Variants in COG2 observed in about 807,000 individuals in gnomAD.
The protein encoded by COG2 is component of oligomeric golgi complex 2.
A neutral mutation model predicts 90.6 loss-of-function variants in COG2; 52 were observed. The ratio of observed to expected loss-of-function variants is 0.57; its 90% CI spans 0.46 to 0.72. COG2 has a LOEUF of 0.72. Ranked by LOEUF, COG2 falls within the 30% of genes least tolerant of loss-of-function variation. The probability of loss-of-function intolerance (pLI) is 0.00; values close to 1 mark genes in which losing one functional copy is unlikely to be tolerated. For synonymous variants in COG2, 337 were observed against 320.4 expected (o/e 1.05, Z -0.55); for missense variants, 829 against 891.2 (o/e 0.93, Z 0.89).
At position 230,686,956 on chromosome 1, in the gene COG2, A is replaced by G; in HGVS notation, c.1402A>G (p.Asn468Asp). 1 of 1,556,468 alleles carries G rather than the reference A, an allele frequency of 6.4e-7. No homozygotes were observed. The highest frequency in any genetic ancestry group is 8.7e-7 in the Non-Finnish European group (1 of 1,147,574). Residue 468 changes from asparagine (N) to aspartate (D), a missense_variant, in exon 13 of 18, where the codon AAT becomes GAT. Transcript: ENST00000366669. Reference sequence around the variant, plus strand: ...TCAGCTTTCACTCAGGCCCATTTCTAATGAAAGTCCCAAGGAGATCAAGAA... The same window carrying G: ...TCAGCTTTCACTCAGGCCCATTTCTGATGAAAGTCCCAAGGAGATCAAGAA... The part of the protein sequence containing the change: ...VNELSLRPIS[N>D]ESPKEIKKPL...
Position 230,664,570 on chromosome 1 carries a change from T to C in COG2, c.468T>C (p.Ser156=), listed in dbSNP as rs957677667. 10 of 1,544,162 alleles carry C rather than the reference T, an allele frequency of 6.5e-6. No individual in the cohort carries two copies. The highest frequency in any genetic ancestry group is 7.0e-6 in the Non-Finnish European group (8 of 1,135,742). The part of the protein sequence containing the change: ...ILNSQSSKET[S]ALEASSPLLT... The stretch of plus-strand genomic sequence containing the variant: ...ACTCTCAAAGTTCTAAAGAAACCTC[T>C]GCACTAGAAGCAAGCAGGTAAGTAT... The change falls in exon 5 of 18, where the codon TCT becomes TCC. Residue 156 remains serine (S), a synonymous_variant. Coordinates refer to ENST00000366669, the MANE Select transcript of COG2 (RefSeq NM_007357.3).
chr1:230,662,553 T>A (rs1483044541), intron 3 of COG2, among the ~76,000 whole-genome samples: 1 of 152,236 alleles, frequency 6.6e-6, no homozygotes, highest in Non-Finnish European at 1.5e-5. Context: ...TCTTGACTTC[T>A]TGATTCTGAA....
intron 16 of COG2, 167 bp downstream of exon 16, chr1:230,690,320 C>A: frequency 1.7e-6 from 1 of 597,648 alleles, no homozygotes; most frequent in Non-Finnish European, 2.8e-6. Flanking sequence ...TCCCTCCCCA[C>A]ACCCTTGTGG....
chr1:230,669,586 AC>A (rs753634531), intron 7 of COG2, 51 bp downstream of exon 7: 2 of 1,505,456 alleles, frequency 1.3e-6, no homozygotes, highest in Non-Finnish European at 1.8e-6. Context: ...TCTGTCTTTG[AC>A]TCTTTACTGG....
chr1:230,656,754 G>T (rs1262942484), intron 1 of COG2, among the ~76,000 whole-genome samples: 1 of 152,068 alleles, frequency 6.6e-6, no homozygotes, highest in Non-Finnish European at 1.5e-5. Context: ...TATGGATCTG[G>T]GTGCTCCTGT....
At chr1:230,669,257 A>G in intron 6 of COG2, 99 bp from the exon 7 acceptor site, 2 of 1,050,372 alleles carry the variant, frequency 1.9e-6, no homozygotes, top group Non-Finnish European at 1.4e-6. Flanking sequence ...TATATATGTC[A>G]TTATCTGTTG....
chr1:230,675,746 G>A (rs763457473), intron 9 of COG2, among the ~76,000 whole-genome samples: 11 of 152,208 alleles, frequency 7.2e-5, no homozygotes, highest in South Asian at 2.1e-4. Flanking sequence ...GGACTCAAGC[G>A]ATCCTATGCC....
chr1:230,642,760 C>G, intron 1 of COG2, 82 bp downstream of exon 1: 3 of 1,324,986 alleles, frequency 2.3e-6, no homozygotes, highest in South Asian at 1.3e-5. Flanking sequence ...CTTCGGTCGG[C>G]TGCTCCTGCC....
rs541254896 is a variant in COG2 at position 230,644,859 on chromosome 1, G to T, written c.72+2181G>T. Among the ~76,000 whole-genome samples, 30 of 152,254 alleles carry T rather than the reference G, an allele frequency of 2.0e-4. No homozygotes were observed. The South Asian group carries it at 5.6e-3, about 28-fold the overall frequency. On this transcript the variant is annotated intron_variant, in intron 1 of 17. Coordinates refer to ENST00000366669, the MANE Select transcript of COG2 (RefSeq NM_007357.3). ...AGTTGGAACTGACTGGTGGCGGGAG[G>T]CTACTTAAAAAGTTATTTCAGTGGT...
At chr1:230,668,531 C>A in intron 5 of COG2, 145 bp from the exon 6 acceptor site, 1 of 559,528 alleles carries the variant, frequency 1.8e-6, no homozygotes, top group African/African-American at 1.9e-5. Context: ...TAGCTTTCAC[C>A]TTGTAACAAG....
At chr1:230,678,641 A>G (rs1425271656) in intron 9 of COG2, 2 of 1,378,274 alleles carry the variant, frequency 1.5e-6, no homozygotes, top group African/African-American at 2.9e-5. Context: ...GAACATGAGC[A>G]CTGCCATTTA....
chr1:230,678,513 TTC>T (rs1292811703), intron 9 of COG2: 9 of 985,262 alleles, frequency 9.1e-6, no homozygotes, highest in Non-Finnish European at 1.1e-5. Context: ...ATTCTTTCTC[TTC>T]TCTCTCTTTC....
In COG2 at chr1:230,668,731, C is replaced by G; in HGVS notation, c.541C>G (p.Gln181Glu). 1 of 1,612,986 alleles carries G rather than the reference C, an allele frequency of 6.2e-7. No individual in the cohort carries two copies. The highest frequency in any genetic ancestry group is 1.1e-5 in the South Asian group (1 of 90,760). Reference protein sequence around the residue: ...ERIATEFNQLQFHAVQSKGMP... With the variant: ...ERIATEFNQLEFHAVQSKGMP... ...AATTGCCACAGAATTTAATCAGTTACAGTTTCATGCTGTTCAAAGCAAAGG... is the reference window on the plus strand; with the variant it reads ...AATTGCCACAGAATTTAATCAGTTAGAGTTTCATGCTGTTCAAAGCAAAGG... The change falls in exon 6 of 18, where the codon CAG (glutamine) becomes GAG (glutamate). Residue 181 changes from glutamine to glutamate, a missense_variant. Physicochemically the swap from Gln to Glu is conservative, Grantham distance 29. Coordinates refer to ENST00000366669, the MANE Select transcript of COG2 (RefSeq NM_007357.3).
chr1:230,662,616 C>G (rs1046375487), intron 3 of COG2, among the ~76,000 whole-genome samples: 2 of 151,990 alleles, frequency 1.3e-5, no homozygotes, highest in African/African-American at 4.8e-5. Context: ...TGTGTAGAAT[C>G]TGGTCTAAAG....
In COG2 at chr1:230,693,439, T is replaced by G; in HGVS notation, c.*46T>G. On this transcript the variant is annotated 3_prime_UTR_variant, in exon 18 of 18. Coordinates refer to ENST00000366669, the MANE Select transcript of COG2 (RefSeq NM_007357.3). ...GTTAGATTCTTAAGCAAGAGAAGAG[T>G]TGGACTTCCAGGCTGAAGGGGAGAA... 1 of 1,263,786 alleles carries G rather than the reference T, an allele frequency of 7.9e-7. No individual in the cohort carries two copies. Among genetic ancestry groups the G allele is most frequent in the Non-Finnish European group, 1.1e-6 (1 of 876,606 alleles). 78.3% of individuals were successfully genotyped at this position (1,263,786 alleles called of 1,614,324 possible).
chr1:230,672,078 A>G lies in COG2; in HGVS notation c.899+438A>G, dbSNP rs529867207. Among the ~76,000 whole-genome samples the G allele has an allele frequency of 5.1e-4, 77 of 152,172 alleles. 1 individual carries two copies. Among genetic ancestry groups the G allele is most frequent in the South Asian group, 4.8e-3 (23 of 4,818 alleles). On this transcript the variant is annotated intron_variant, in intron 8 of 17. Transcript: ENST00000366669. ...TTCCATGACTTCCTGATTCTCTTTCATAAATATCCCATTACTTTTCACCAT... is the reference window on the plus strand; with the variant it reads ...TTCCATGACTTCCTGATTCTCTTTCGTAAATATCCCATTACTTTTCACCAT...
intron 1 of COG2, among the ~76,000 whole-genome samples, chr1:230,657,803 A>C (rs1662098946): frequency 6.6e-6 from 1 of 151,224 alleles, no homozygotes; most frequent in African/African-American, 2.4e-5. Flanking sequence ...TTCTCACTTC[A>C]TTTCATTAAG....
At chr1:230,690,258 C>CT in intron 16 of COG2, 105 bp downstream of exon 16, 15 of 956,858 alleles carry the variant, frequency 1.6e-5, no homozygotes, top group Non-Finnish European at 2.2e-5. Flanking sequence ...GTGAGACTGC[C>CT]TAGCACTTCT....
rs1433828287 is a variant in COG2, at chr1:230,693,603, TG to T, written c.*212del. 1 of 409,710 alleles carries T rather than the reference TG, an allele frequency of 2.4e-6. No individual in the cohort carries two copies. Among genetic ancestry groups the T allele is most frequent in the Non-Finnish European group, 4.3e-6 (1 of 230,414 alleles). 25.4% of individuals were successfully genotyped at this position (409,710 alleles called of 1,614,324 possible). Reference sequence around the variant, plus strand: ...AACACAAAAGCCTTTTTCCATTGTATGGAAGATAGTTTTTAAGACATTTGAA... The same window carrying T: ...AACACAAAAGCCTTTTTCCATTGTATGAAGATAGTTTTTAAGACATTTGAA... On this transcript the variant is annotated 3_prime_UTR_variant, in exon 18 of 18. Transcript: ENST00000366669.
Sources: gnomAD v4.1 joint callset for allele counts (sites outside exome capture counted in the v4.1 genomes callset) on GRCh38, gnomAD v4.1.1 for gene constraint, MANE v1.5 for transcripts, NCBI Gene and HGNC (gene_info 2026-07-23, HGNC 2026-07-21) for gene names.